The following ATRN variants were observed in gnomAD, a reference collection of about 807,000 sequenced individuals.
ATRN encodes attractin.
A neutral mutation model predicts 178.7 loss-of-function variants in ATRN; 54 were observed. The observed-to-expected ratio is 0.30, with a 90% CI of 0.24 to 0.38. ATRN has a LOEUF of 0.38. ATRN is among the 10% of genes least tolerant of loss of function. The probability of loss-of-function intolerance (pLI) is 1.00; values close to 1 mark genes in which losing one functional copy is unlikely to be tolerated. For synonymous variants in ATRN, 636 were observed against 663.0 expected, an observed-to-expected ratio of 0.96 and a Z score of 0.63; for missense variants, 1,443 against 1,815.1, an observed-to-expected ratio of 0.79 and a Z score of 3.73.
intron 3 of ATRN, among the ~76,000 whole-genome samples, chr20:3,541,620 A>G (rs2085623423): frequency 6.6e-6 from 1 of 152,176 alleles, no homozygotes; most frequent in South Asian, 2.1e-4. Context: ...GTATTTGTAT[A>G]TCTAAACATA....
chr20:3,481,301 T>C (rs1435847716), intron 1 of ATRN, among the ~76,000 whole-genome samples: 1 of 152,210 alleles, frequency 6.6e-6, no homozygotes, highest in Non-Finnish European at 1.5e-5. Context: ...TCCTTTCAAT[T>C]AAAACATTGA....
At chr20:3,499,754 C>T (rs1025100363) in intron 1 of ATRN, among the ~76,000 whole-genome samples, 2 of 150,722 alleles carry the variant, frequency 1.3e-5, no homozygotes, top group Admixed American at 6.6e-5. Flanking sequence ...TAGGCATTAC[C>T]ATTCAGGACG....
chr20:3,608,630 G>A (rs1374473955), intron 24 of ATRN, among the ~76,000 whole-genome samples: 1 of 152,128 alleles, frequency 6.6e-6, no homozygotes, highest in Non-Finnish European at 1.5e-5. Context: ...ATATTTTGAA[G>A]TAAGGTGATA....
intron 25 of ATRN, among the ~76,000 whole-genome samples, chr20:3,627,343 G>C (rs1383985963): frequency 6.6e-6 from 1 of 152,176 alleles, no homozygotes; most frequent in Non-Finnish European, 1.5e-5. Context: ...CCAATGTGCA[G>C]CTAAGGTTGA....
chr20:3,498,317 C>T (rs189485765), intron 1 of ATRN, among the ~76,000 whole-genome samples: 12 of 152,312 alleles, frequency 7.9e-5, no homozygotes, highest in Admixed American at 1.3e-4. Context: ...AGGGAATCCT[C>T]TCTAACTCAT....
In ATRN at chr20:3,621,809, T is replaced by C. The variant is rs141572529; in HGVS notation, c.3802-2702T>C. Among the ~76,000 whole-genome samples, 41 of 152,192 alleles carry C rather than the reference T, an allele frequency of 2.7e-4. No individual in the cohort carries two copies. In the East Asian group the frequency reaches 7.3e-3, roughly 27 times the overall value. ...TTAATTTTAGAGTTAACAACATTTA[T>C]AGTTACAATCATGAAGCAGGTATGG... On this transcript the variant is annotated intron_variant, in intron 24 of 28. Coordinates refer to ENST00000262919, the MANE Select transcript of ATRN (RefSeq NM_139321.3).
intron 8 of ATRN, among the ~76,000 whole-genome samples, chr20:3,561,848 C>T (rs909467269): frequency 1.3e-5 from 2 of 152,184 alleles, no homozygotes; most frequent in Non-Finnish European, 2.9e-5. Context: ...CCACCTTAGC[C>T]TCCCTAGTAG....
At chr20:3,515,484 G>A (rs953033789) in intron 1 of ATRN, among the ~76,000 whole-genome samples, 3 of 152,164 alleles carry the variant, frequency 2.0e-5, no homozygotes, top group African/African-American at 4.8e-5. Flanking sequence ...TGGGGACCAA[G>A]TGAAAAGGGT....
intron 3 of ATRN, among the ~76,000 whole-genome samples, chr20:3,540,646 A>G (rs2085605367): frequency 6.6e-6 from 1 of 152,168 alleles, no homozygotes; most frequent in Admixed American, 6.5e-5. Flanking sequence ...ATGTTTTGAG[A>G]GTGATATATT....
chr20:3,551,440 T>C (rs532966610), intron 6 of ATRN, among the ~76,000 whole-genome samples: 3 of 152,158 alleles, frequency 2.0e-5, no homozygotes, highest in Non-Finnish European at 2.9e-5. Flanking sequence ...TTTTTACTTA[T>C]CCTCTCCTTC....
At chr20:3,532,001 G>T (rs2085459484) in intron 1 of ATRN, among the ~76,000 whole-genome samples, 1 of 152,146 alleles carries the variant, frequency 6.6e-6, no homozygotes, top group African/African-American at 2.4e-5. Flanking sequence ...ATAGTGGTGT[G>T]TGCCTGTAGT....
At chr20:3,517,915 G>C (rs1269642839) in intron 1 of ATRN, among the ~76,000 whole-genome samples, 3 of 152,050 alleles carry the variant, frequency 2.0e-5, no homozygotes, top group Non-Finnish European at 4.4e-5. Context: ...CATATTTCCA[G>C]CTTCTACAGG....
Position 3,644,235 on chromosome 20 carries a change from G to A in ATRN, c.4132G>A (p.Gly1378Ser), listed in dbSNP as rs763511670. 6.2e-7 allele frequency: 1 copy of A among 1,614,162 alleles called. No individual in the cohort carries two copies. ...CTCTGTGTTTGTGAGGCTCCCTCGA[G>A]GCCTGGGTGGCATCCCTCCTCCTGG... ...VLSVFVRLPR[G>S]LGGIPPPGQS... The change falls in exon 28 of 29, where the codon GGC becomes AGC. Residue 1378 changes from glycine (G) to serine (S), a missense_variant. Coordinates refer to ENST00000262919, the MANE Select transcript of ATRN (RefSeq NM_139321.3).
At chr20:3,530,953 G>A (rs569980993) in intron 1 of ATRN, among the ~76,000 whole-genome samples, 6 of 152,238 alleles carry the variant, frequency 3.9e-5, no homozygotes, top group East Asian at 1.9e-4. Flanking sequence ...TAAGAAATTG[G>A]TGGTGGCAAG....
At chr20:3,474,435 G>A (rs1345852472) in intron 1 of ATRN, among the ~76,000 whole-genome samples, 2 of 152,152 alleles carry the variant, frequency 1.3e-5, no homozygotes, top group Non-Finnish European at 2.9e-5. Flanking sequence ...TAGGCCAGGC[G>A]TGGTGGCTAA....
At chr20:3,581,251 C>G (rs1021448280) in intron 15 of ATRN, among the ~76,000 whole-genome samples, 1 of 152,138 alleles carries the variant, frequency 6.6e-6, no homozygotes, top group African/African-American at 2.4e-5. Context: ...GACCCTGTCT[C>G]AAAAGAAAGC....
At chr20:3,641,565 T>C (rs1031323531) in intron 27 of ATRN, among the ~76,000 whole-genome samples, 2 of 112,498 alleles carry the variant, frequency 1.8e-5, no homozygotes, top group Non-Finnish European at 3.3e-5. Context: ...TACTCCAGCC[T>C]GGGCGACAGA....
chr20:3,496,913 TA>T (rs1475629548), intron 1 of ATRN, among the ~76,000 whole-genome samples: 1 of 150,930 alleles, frequency 6.6e-6, no homozygotes, highest in African/African-American at 2.4e-5. Context: ...TACCATTATG[TA>T]ATGGCCTTCT....
chr20:3,646,989 G>T lies in ATRN; in HGVS notation c.*142G>T. 5.4e-6 allele frequency: 6 copies of T among 1,107,786 alleles called. No individual in the cohort carries two copies. Among genetic ancestry groups the T allele is most frequent in the Non-Finnish European group, 7.4e-6 (6 of 814,156 alleles). 68.6% of individuals were successfully genotyped at this position (1,107,786 alleles called of 1,614,324 possible). On this transcript the variant is annotated 3_prime_UTR_variant, in exon 29 of 29. Transcript: ENST00000262919. ...CTCAAAGCATCTGACTCACCTGCAT[G>T]ATCACAAGCTTTCTTTGACGGTTTC...
Sources: gnomAD v4.1 joint callset for allele counts (sites outside exome capture counted in the v4.1 genomes callset) on GRCh38, gnomAD v4.1.1 for gene constraint, MANE v1.5 for transcripts, NCBI Gene and HGNC (gene_info 2026-07-23, HGNC 2026-07-21) for gene names.